CCDC171: variants seen among roughly 807,000 people sequenced by gnomAD.
The protein encoded by CCDC171 is coiled-coil domain containing 171.
CCDC171 carries 177 observed loss-of-function variants against 168.2 expected under a neutral mutation model. The observed-to-expected ratio is 1.05, with a 90% confidence interval of 0.93 to 1.19. CCDC171 has a LOEUF of 1.19. Ranked by LOEUF, CCDC171 falls within the 50% of genes most tolerant of loss-of-function variation. CCDC171 has a pLI of 0.00. For synonymous variants in CCDC171, 687 were observed against 540.8 expected (o/e 1.27, Z -3.75); for missense variants, 1,991 against 1,539.0 (o/e 1.29, Z -4.91).
chr9:15,702,447 C>A (rs1042419338), intron 11 of CCDC171, among the ~76,000 whole-genome samples: 1 of 151,922 alleles, frequency 6.6e-6, no homozygotes, highest in Non-Finnish European at 1.5e-5. Context: ...TATAAATGCT[C>A]TATAAATGCA....
intron 21 of CCDC171, among the ~76,000 whole-genome samples, chr9:15,787,481 T>A (rs2058027549): frequency 6.6e-6 from 1 of 152,126 alleles, no homozygotes; most frequent in Non-Finnish European, 1.5e-5. Flanking sequence ...CTCCTACTCC[T>A]CCACCTCCTC....
At chr9:15,604,946 C>G (rs75448207) in intron 6 of CCDC171, among the ~76,000 whole-genome samples, 1 of 152,148 alleles carries the variant, frequency 6.6e-6, no homozygotes, top group Non-Finnish European at 1.5e-5. Context: ...GAGACAAGGT[C>G]TCACTCTGTT....
At chr9:15,587,537 G>A (rs1471456184) in intron 4 of CCDC171, 2 of 430,512 alleles carry the variant, frequency 4.6e-6, no homozygotes, top group African/African-American at 4.1e-5. Flanking sequence ...CCCAGTCTCA[G>A]GTATGTCTTT....
chr9:15,732,684 A>C (rs766996200), intron 16 of CCDC171, among the ~76,000 whole-genome samples: 2 of 152,132 alleles, frequency 1.3e-5, no homozygotes, highest in African/African-American at 2.4e-5. Flanking sequence ...TTTTATCCAA[A>C]TACTTGCTGA....
At chr9:15,762,386 A>G (rs975083884) in intron 18 of CCDC171, among the ~76,000 whole-genome samples, 2 of 152,228 alleles carry the variant, frequency 1.3e-5, no homozygotes, top group Non-Finnish European at 2.9e-5. Context: ...AAACCTAAGC[A>G]GGAAAAGGAG....
At chr9:15,553,755 C>G (rs1193351338) in intron 1 of CCDC171, 1 of 152,208 alleles carries the variant, frequency 6.6e-6, no homozygotes, top group Non-Finnish European at 1.5e-5. Context: ...CCCTCCAGGA[C>G]TCTGAGAGAC....
At chr9:15,945,577 T>TA (rs1828255369) in intron 25 of CCDC171, among the ~76,000 whole-genome samples, 1 of 130,744 alleles carries the variant, frequency 7.6e-6, no homozygotes, top group Non-Finnish European at 1.6e-5. Flanking sequence ...CCATTCTAAC[T>TA]GGTGTGAGAT....
chr9:15,659,785 A>G (rs2048186160), intron 8 of CCDC171, among the ~76,000 whole-genome samples: 2 of 152,206 alleles, frequency 1.3e-5, no homozygotes, highest in African/African-American at 4.8e-5. Context: ...AGCTATAAGC[A>G]GATAGATTAA....
downstream of CCDC171, among the ~76,000 whole-genome samples, chr9:16,063,231 G>A (rs572515462): frequency 6.6e-6 from 1 of 152,322 alleles, no homozygotes; most frequent in South Asian, 2.1e-4. Context: ...AGAGTGAGCA[G>A]AAGACACCAT....
At chr9:16,070,740 CAT>C in the CCDC171 span, among the ~76,000 whole-genome samples, 30 of 152,332 alleles carry the variant, frequency 2.0e-4, no homozygotes, top group African/African-American at 6.7e-4. Flanking sequence ...TGACATTTAA[CAT>C]GTGTGGCCAC....
the CCDC171 span, among the ~76,000 whole-genome samples, chr9:16,096,149 C>A: frequency 1.3e-5 from 2 of 151,922 alleles, no homozygotes; most frequent in African/African-American, 4.8e-5. Context: ...TTACTTGGGG[C>A]ATTTAATGAA....
intron 19 of CCDC171, among the ~76,000 whole-genome samples, chr9:15,778,697 C>G (rs922447410): frequency 1.4e-5 from 2 of 147,982 alleles, no homozygotes; most frequent in Non-Finnish European, 3.0e-5. Context: ...TTAATGTTCT[C>G]TATAAATGCA....
chr9:15,806,621 G>A (rs1442984065), intron 21 of CCDC171, among the ~76,000 whole-genome samples: 1 of 151,984 alleles, frequency 6.6e-6, no homozygotes, highest in Non-Finnish European at 1.5e-5. Context: ...AGACTGATGA[G>A]GTGGCCTGCC....
At chr9:15,617,813 T>A (rs565023760) in intron 6 of CCDC171, among the ~76,000 whole-genome samples, 1 of 152,326 alleles carries the variant, frequency 6.6e-6, no homozygotes, top group Admixed American at 6.5e-5. Context: ...TAGGCCCTGT[T>A]TGCCTGGGTA....
At chr9:15,824,845 A>G (rs1166139586) in intron 21 of CCDC171, among the ~76,000 whole-genome samples, 2 of 152,134 alleles carry the variant, frequency 1.3e-5, no homozygotes, top group African/African-American at 4.8e-5. Flanking sequence ...CTGGATTCCA[A>G]CGTGGTTCAT....
At chr9:15,939,909 A>G (rs1286255215) in intron 25 of CCDC171, among the ~76,000 whole-genome samples, 3 of 152,008 alleles carry the variant, frequency 2.0e-5, no homozygotes, top group African/African-American at 7.2e-5. Context: ...AAAAATAATG[A>G]AAAGGGATGG....
intron 25 of CCDC171, among the ~76,000 whole-genome samples, chr9:15,925,143 C>G (rs1428422506): frequency 1.3e-5 from 2 of 151,528 alleles, no homozygotes; most frequent in Admixed American, 6.6e-5. Context: ...TATAATCACA[C>G]TAAATAATGT....
rs34479869 is a variant in CCDC171, at chr9:15,954,669, A to ATT, written c.3754-16931_3754-16930dup. Reference sequence around the variant, plus strand: ...TGTGGTCCTGTTTTCATGCTTGTTGATTTTTTTTTTGCCTGCTCATATTTG... The same window carrying ATT: ...TGTGGTCCTGTTTTCATGCTTGTTGATTTTTTTTTTTTGCCTGCTCATATTTG... On this transcript the variant is annotated intron_variant, in intron 25 of 25. Transcript: ENST00000380701. Among the ~76,000 whole-genome samples, 240 of 146,508 alleles carry ATT rather than the reference A, an allele frequency of 1.6e-3. 2 individuals are homozygous for ATT. The highest frequency in any genetic ancestry group is 4.3e-3 in the East Asian group (22 of 5,060).
chr9:15,566,356 G>A (rs1452944771), intron 2 of CCDC171, among the ~76,000 whole-genome samples: 2 of 151,964 alleles, frequency 1.3e-5, no homozygotes, highest in East Asian at 1.9e-4. Flanking sequence ...CCAGGAGTTC[G>A]AGACCAGCCT....
Sources: allele counts gnomAD v4.1 joint callset (sites outside exome capture counted in the v4.1 genomes callset), GRCh38; gene constraint gnomAD v4.1.1; transcripts MANE v1.5; gene names NCBI Gene and HGNC (gene_info 2026-07-23, HGNC 2026-07-21).